APBB3: variants seen among roughly 807,000 people sequenced by gnomAD.
APBB3 encodes amyloid beta precursor protein binding family B member 3.
APBB3 carries 50 observed loss-of-function variants against 61.5 expected under a neutral mutation model. The ratio of observed to expected loss-of-function variants is 0.81; its 90% CI spans 0.65 to 1.03. APBB3 has a LOEUF of 1.03. Among genes scored for constraint, APBB3 ranks in the 50% least tolerant of loss-of-function variants. APBB3 has a pLI of 0.00. For synonymous variants in APBB3, 235 were observed against 233.0 expected (o/e 1.01, Z -0.08); for missense variants, 550 against 637.4 (o/e 0.86, Z 1.48).
At position 140,563,901 on chromosome 5, in the gene APBB3, C is replaced by T; in HGVS notation, c.64G>A (p.Asp22Asn). The change falls in exon 2 of 13, where the codon GAC (aspartate) becomes AAC (asparagine). Residue 22 changes from aspartate (D) to asparagine (N), a missense_variant. Physicochemically the swap from Asp to Asn is conservative, Grantham distance 23. Around this residue, in one of 3 missense-constraint regions of APBB3, gnomAD observed 405 missense variants for 483.4 expected, o/e 0.84. Transcript: ENST00000357560. ...CCAGCCTCCACCTCCAGACTGTGGTCCCCCCACAAGTCATCTACAGGAACA... is the reference window on the plus strand; with the variant it reads ...CCAGCCTCCACCTCCAGACTGTGGTTCCCCCACAAGTCATCTACAGGAACA... ...LVNCDDDLWGDHSLEVEAGLP... is the reference protein window; with the variant it reads ...LVNCDDDLWGNHSLEVEAGLP... The T allele has an allele frequency of 6.2e-7, 1 of 1,613,638 alleles. No homozygotes were observed. The highest frequency in any genetic ancestry group is 8.5e-7 in the Non-Finnish European group (1 of 1,179,894).
chr5:140,562,067 T>C (rs746957538), intron 6 of APBB3, 33 bp downstream of exon 6: 246 of 1,612,788 alleles, frequency 1.5e-4, no homozygotes, highest in Non-Finnish European at 2.0e-4. Flanking sequence ...GAGGGAGAAG[T>C]AGCTCTTGCT....
In APBB3 at chr5:140,558,425, G is replaced by C; in HGVS notation, c.*160C>G. ...GTGGTGCAGTGCCTCCCAGTCATCC[G>C]TATAAACAATAAATTGGGCAATAAA... On this transcript the variant is annotated 3_prime_UTR_variant, in exon 13 of 13. Transcript: ENST00000357560. 1 of 819,732 alleles carries C rather than the reference G, an allele frequency of 1.2e-6. No individual in the cohort carries two copies. The highest frequency in any genetic ancestry group is 1.4e-5 in the South Asian group (1 of 70,210). The allele number at this position is 819,732 out of a possible 1,614,324, so 50.8% of individuals were successfully genotyped here. A position where few individuals can be genotyped will look rare whatever the true frequency, so the allele number is the denominator to read the frequency against.
At chr5:140,561,275 C>T (rs920192029) in intron 9 of APBB3, 90 bp downstream of exon 9, 23 of 1,529,456 alleles carry the variant, frequency 1.5e-5, no homozygotes, top group Admixed American at 3.4e-5. Context: ...GAAATTTATC[C>T]ACAGAAGTAT....
chr5:140,563,562 A>T, intron 3 of APBB3, 32 bp downstream of exon 3: 1 of 1,613,464 alleles, frequency 6.2e-7, no homozygotes, highest in South Asian at 1.1e-5. Flanking sequence ...ATGGAACCCC[A>T]AGCCTTTCAT....
Position 140,558,288 on chromosome 5 carries a change from T to C in APBB3, c.*297A>G. 2.2e-6 allele frequency: 1 copy of C among 447,534 alleles called. No individual in the cohort carries two copies. The highest frequency in any genetic ancestry group is 2.3e-5 in the South Asian group (1 of 44,050). 27.7% of individuals were successfully genotyped at this position (447,534 alleles called of 1,614,324 possible). ...TCCAGTGAGGTCACTGAGGGATTTT[T>C]ATTTGCACTGATTTTGCTATAAAGT... On this transcript the variant is annotated 3_prime_UTR_variant, in exon 13 of 13. Coordinates refer to ENST00000357560, the MANE Select transcript of APBB3 (RefSeq NM_133173.3).
chr5:140,563,150 C>A (rs1755043466), intron 3 of APBB3, among the ~76,000 whole-genome samples: 1 of 151,624 alleles, frequency 6.6e-6, no homozygotes, highest in African/African-American at 2.4e-5. Flanking sequence ...GAGGCTGAGG[C>A]AGGAGAATGA....
chr5:140,560,493 AC>A lies in APBB3; in HGVS notation c.1043del (p.Ser348IlefsTer15), dbSNP rs1754899368. ...ACTGCCACAATGGCTCCTCCTCTGT[AC>A]TGGCCTCTGCCTGCCCACACCAGGC... ...MTAHPIQAEA[S>X]TEEEPLWQCP... On this transcript the variant is annotated frameshift_variant, in exon 12 of 13. Coordinates refer to ENST00000357560, the MANE Select transcript of APBB3 (RefSeq NM_133173.3). LOFTEE classifies it high-confidence loss of function. The surrounding 1 kb of genome is among the most constrained non-coding windows in gnomAD (Gnocchi z 5.1). The A allele has an allele frequency of 2.5e-6, 4 of 1,613,540 alleles. No individual in the cohort carries two copies. Among genetic ancestry groups the A allele is most frequent in the Non-Finnish European group, 2.5e-6 (3 of 1,179,728 alleles).
rs1754936043 is a variant in APBB3 at position 140,561,116 on chromosome 5, C to G, written c.833-15G>C. The G allele has an allele frequency of 6.2e-7, 1 of 1,613,898 alleles. No homozygotes were observed. Among genetic ancestry groups the G allele is most frequent in the Non-Finnish European group, 8.5e-7 (1 of 1,179,964 alleles). On this transcript the variant is annotated splice_polypyrimidine_tract_variant and intron_variant, in intron 9 of 12. Transcript: ENST00000357560. The stretch of plus-strand genomic sequence containing the variant: ...CAGCAGCTCCACTGAAATATACACA[C>G]CAAGTTGGCCTGGAAGCTCTTTCAA...
rs200825219 is a variant in APBB3 at position 140,562,101 on chromosome 5, G to T, written c.625C>A (p.Arg209Ser). 6.2e-7 allele frequency: 1 copy of T among 1,613,758 alleles called. No individual in the cohort carries two copies. Among genetic ancestry groups the T allele is most frequent in the Admixed American group, 1.7e-5 (1 of 59,980 alleles). Residue 209 changes from arginine to serine, a missense_variant and splice_region_variant, in exon 6 of 13, where the codon CGT (arginine) becomes AGT (serine). Transcript: ENST00000357560. ...CTTGGGGGATGTAGGCATCCTCACC[G>T]GCCCTTGGAGCTCCCCACGCCCCAC... ...RVWGVGSSKGRDRDFAFVASD... is the reference protein window; with the variant it reads ...RVWGVGSSKGSDRDFAFVASD...
At chr5:140,563,537 G>C in intron 3 of APBB3, 57 bp downstream of exon 3, 1 of 1,598,522 alleles carries the variant, frequency 6.3e-7, no homozygotes, top group Non-Finnish European at 8.6e-7. Flanking sequence ...GGGTCCAGCT[G>C]CATTTTTGAA....
In APBB3 at chr5:140,560,705, G is replaced by A. The variant is rs771439973; in HGVS notation, c.966C>T (p.Asp322=). 1 of 1,614,148 alleles carries A rather than the reference G, an allele frequency of 6.2e-7. No individual in the cohort carries two copies. The highest frequency in any genetic ancestry group is 1.7e-5 in the Admixed American group (1 of 60,028). Residue 322 remains aspartate, a synonymous_variant, in exon 11 of 13, where the codon GAC becomes GAT. Coordinates refer to ENST00000357560, the MANE Select transcript of APBB3 (RefSeq NM_133173.3). The surrounding 1 kb of genome is among the most constrained non-coding windows in gnomAD (Gnocchi z 5.1). ...EAIGTLTARG[D]RNAWVPTMLS... is the part of the protein sequence containing the mutation. ...GCATGGTGGGGACCCAGGCATTCCG[G>A]TCCCCCCTGGCGGTGAGGGTACCAA...
At chr5:140,563,503 A>G in intron 3 of APBB3, 91 bp downstream of exon 3, 1 of 1,480,352 alleles carries the variant, frequency 6.8e-7, no homozygotes, top group African/African-American at 1.4e-5. Context: ...CAGAATCCAG[A>G]ACCTGGGCTG....
At position 140,564,337 on chromosome 5, in the gene APBB3, T is replaced by C; in HGVS notation, c.-92A>G. 1.3e-6 allele frequency: 2 copies of C among 1,487,738 alleles called. No homozygotes were observed. Among genetic ancestry groups the C allele is most frequent in the Admixed American group, 1.8e-5 (1 of 56,134 alleles). The allele number at this position is 1,487,738 out of a possible 1,614,324, so 92.2% of individuals were successfully genotyped here. On this transcript the variant is annotated 5_prime_UTR_variant, in exon 1 of 13. Coordinates refer to ENST00000357560, the MANE Select transcript of APBB3 (RefSeq NM_133173.3). The surrounding 1 kb of genome is among the most constrained non-coding windows in gnomAD (Gnocchi z 5.0). Reference sequence around the variant, plus strand: ...ACTGCGCCTGCAAGCCCAGCCTCTCTGCGCCGCAGGCTGCGGGGCCAGCTG... The same window carrying C: ...ACTGCGCCTGCAAGCCCAGCCTCTCCGCGCCGCAGGCTGCGGGGCCAGCTG...
In APBB3 at chr5:140,560,872, C is replaced by T; in HGVS notation, c.917-118G>A. 1 of 1,381,786 alleles carries T rather than the reference C, an allele frequency of 7.2e-7. No homozygotes were observed. The highest frequency in any genetic ancestry group is 1.8e-5 in the Admixed American group (1 of 56,234). The allele number at this position is 1,381,786 out of a possible 1,614,324, so 85.6% of individuals were successfully genotyped here. ...AGGGAATAGGATAGCTGGGGCAAGC[C>T]TTAGAATTCTGATTTGGGAAGGCTG... On this transcript the variant is annotated intron_variant, in intron 10 of 12. Coordinates refer to ENST00000357560, the MANE Select transcript of APBB3 (RefSeq NM_133173.3). The surrounding 1 kb of genome is among the most constrained non-coding windows in gnomAD (Gnocchi z 5.1).
chr5:140,560,475 C>T lies in APBB3; in HGVS notation c.1062G>A (p.Leu354=), dbSNP rs776401134. Residue 354 remains leucine, a synonymous_variant, in exon 12 of 13, where the codon TTG becomes TTA. Coordinates refer to ENST00000357560, the MANE Select transcript of APBB3 (RefSeq NM_133173.3). The surrounding 1 kb of genome is among the most constrained non-coding windows in gnomAD (Gnocchi z 5.1). Reference sequence around the variant, plus strand: ...TCACAAGGCGCACAGGGCACTGCCACAATGGCTCCTCCTCTGTACTGGCCT... The same window carrying T: ...TCACAAGGCGCACAGGGCACTGCCATAATGGCTCCTCCTCTGTACTGGCCT... ...QAEASTEEEP[L]WQCPVRLVTF... 5.6e-6 allele frequency: 9 copies of T among 1,613,928 alleles called. No individual in the cohort carries two copies. The highest frequency in any genetic ancestry group is 1.3e-5 in the African/African-American group (1 of 74,924).
Position 140,560,603 on chromosome 5 carries a change from C to T in APBB3, c.1032+36G>A. The T allele has an allele frequency of 6.2e-7, 1 of 1,611,488 alleles. No homozygotes were observed. The highest frequency in any genetic ancestry group is 8.5e-7 in the Non-Finnish European group (1 of 1,177,808). On this transcript the variant is annotated intron_variant, in intron 11 of 12. Coordinates refer to ENST00000357560, the MANE Select transcript of APBB3 (RefSeq NM_133173.3). The surrounding 1 kb of genome is among the most constrained non-coding windows in gnomAD (Gnocchi z 5.1). Reference sequence around the variant, plus strand: ...GTGACCCCTCAGCATCCCTGCTCACCCCTCCAAAGCCCCCAACTTCACCCT... The same window carrying T: ...GTGACCCCTCAGCATCCCTGCTCACTCCTCCAAAGCCCCCAACTTCACCCT...
chr5:140,559,250 T>C (rs1754842244), intron 12 of APBB3, among the ~76,000 whole-genome samples: 1 of 152,200 alleles, frequency 6.6e-6, no homozygotes, highest in Non-Finnish European at 1.5e-5. Context: ...TGGTGGGGAC[T>C]AGTCCCTGGC....
rs1247027707 is a variant in APBB3, at chr5:140,561,853, T to C, written c.627-4A>G. Reference sequence around the variant, plus strand: ...CCTGGTTTTCACTCACCTGTCACTGTTCCGGAAGCATGTGGGAGCACAGAA... The same window carrying C: ...CCTGGTTTTCACTCACCTGTCACTGCTCCGGAAGCATGTGGGAGCACAGAA... On this transcript the variant is annotated splice_region_variant and splice_polypyrimidine_tract_variant and intron_variant, in intron 6 of 12. Transcript: ENST00000357560. 2.5e-6 allele frequency: 4 copies of C among 1,613,628 alleles called. No homozygotes were observed.
In APBB3 at chr5:140,560,599, T is replaced by C; in HGVS notation, c.1032+40A>G. On this transcript the variant is annotated intron_variant, in intron 11 of 12. Coordinates refer to ENST00000357560, the MANE Select transcript of APBB3 (RefSeq NM_133173.3). The surrounding 1 kb of genome is among the most constrained non-coding windows in gnomAD (Gnocchi z 5.1). Reference sequence around the variant, plus strand: ...AGCAGTGACCCCTCAGCATCCCTGCTCACCCCTCCAAAGCCCCCAACTTCA... The same window carrying C: ...AGCAGTGACCCCTCAGCATCCCTGCCCACCCCTCCAAAGCCCCCAACTTCA... 1 of 1,611,570 alleles carries C rather than the reference T, an allele frequency of 6.2e-7. No homozygotes were observed.
Sources: gnomAD v4.1 joint callset for allele counts (sites outside exome capture counted in the v4.1 genomes callset) on GRCh38, gnomAD v4.1.1 for gene constraint, gnomAD v4.1.1 regional missense constraint, Gnocchi (gnomAD v3.1) non-coding constraint, MANE v1.5 for transcripts, NCBI Gene and HGNC (gene_info 2026-07-23, HGNC 2026-07-21) for gene names.